The following PRKN variants were observed in gnomAD, a reference collection of about 807,000 sequenced individuals.
The protein encoded by PRKN is parkin RBR E3 ubiquitin protein ligase.
In PRKN, 56 loss-of-function variants were observed where a neutral mutation model predicts 59.5. The observed-to-expected ratio is 0.94, with a 90% CI of 0.76 to 1.18. The LOEUF is 1.18. Ranked by LOEUF, PRKN falls within the 50% of genes most tolerant of loss-of-function variation. PRKN has a pLI of 0.00. For synonymous variants in PRKN, 250 were observed against 222.1 expected, an observed-to-expected ratio of 1.13 and a Z score of -1.12; for missense variants, 657 against 596.4, an observed-to-expected ratio of 1.10 and a Z score of -1.06.
At chr6:162,040,274 A>T (rs1048899816) in intron 5 of PRKN, among the ~76,000 whole-genome samples, 1 of 152,162 alleles carries the variant, frequency 6.6e-6, no homozygotes, top group African/African-American at 2.4e-5. Context: ...GGTCAACAAA[A>T]GAGGAAGTTA....
At chr6:162,128,118 C>A (rs1028610424) in intron 4 of PRKN, among the ~76,000 whole-genome samples, 1 of 152,220 alleles carries the variant, frequency 6.6e-6, no homozygotes, top group Non-Finnish European at 1.5e-5. Flanking sequence ...AGCTTTACTG[C>A]AGTAACTACT....
At chr6:162,498,880 C>A (rs954773252) in intron 1 of PRKN, among the ~76,000 whole-genome samples, 3 of 152,008 alleles carry the variant, frequency 2.0e-5, no homozygotes, top group Non-Finnish European at 2.9e-5. Context: ...CATGTATAGG[C>A]AAGATGCTAC....
intron 2 of PRKN, among the ~76,000 whole-genome samples, chr6:162,396,506 G>A (rs920731208): frequency 1.1e-4 from 16 of 152,084 alleles, no homozygotes; most frequent in African/African-American, 3.9e-4. Flanking sequence ...GTGGCAACTT[G>A]TCATGGTGGA....
At chr6:161,504,540 ATACTTT>A (rs1778081681) in intron 9 of PRKN, among the ~76,000 whole-genome samples, 10 of 125,658 alleles carry the variant, frequency 8.0e-5, no homozygotes, top group Non-Finnish European at 1.4e-4. Context: ...TTTTATTATT[ATACTTT>A]AAGTTTTAGG....
At chr6:162,201,335 C>T (rs1297651671) in intron 3 of PRKN, 83 bp from the exon 4 acceptor site, 2 of 1,362,830 alleles carry the variant, frequency 1.5e-6, no homozygotes, top group African/African-American at 2.9e-5. Flanking sequence ...TTGTTAGAGG[C>T]AAATTTTAAA....
intron 4 of PRKN, among the ~76,000 whole-genome samples, chr6:162,180,745 A>G (rs1783767407): frequency 1.3e-5 from 2 of 152,216 alleles, no homozygotes; most frequent in Admixed American, 1.3e-4. Flanking sequence ...ATATATACAT[A>G]GCCTAATTAG....
At chr6:162,687,031 A>T (rs1341693956) in intron 1 of PRKN, among the ~76,000 whole-genome samples, 1 of 151,786 alleles carries the variant, frequency 6.6e-6, no homozygotes, top group African/African-American at 2.4e-5. Flanking sequence ...TTTTGGTTCC[A>T]TATGAATTTT....
At chr6:161,915,958 T>C (rs760853300) in intron 6 of PRKN, among the ~76,000 whole-genome samples, 69 of 152,264 alleles carry the variant, frequency 4.5e-4, no homozygotes, top group South Asian at 1.0e-3. Flanking sequence ...AGGCTACAGT[T>C]ATGACTAAAC....
chr6:162,355,184 TG>T, intron 2 of PRKN, among the ~76,000 whole-genome samples: 1 of 151,628 alleles, frequency 6.6e-6, no homozygotes, highest in East Asian at 1.9e-4. Flanking sequence ...ATAGAGAAAT[TG>T]GACTTTATTT....
intron 3 of PRKN, among the ~76,000 whole-genome samples, chr6:162,243,539 C>T (rs576779620): frequency 6.6e-6 from 1 of 152,178 alleles, no homozygotes; most frequent in Admixed American, 6.5e-5. Flanking sequence ...ATCAGTATAA[C>T]AGGTACATTT....
intron 6 of PRKN, among the ~76,000 whole-genome samples, chr6:161,801,419 A>G (rs979608747): frequency 2.0e-5 from 3 of 152,208 alleles, no homozygotes; most frequent in African/African-American, 7.2e-5. Flanking sequence ...GGACCCATCC[A>G]TGGAGAGATG....
intron 1 of PRKN, among the ~76,000 whole-genome samples, chr6:162,664,507 C>T (rs1381694506): frequency 4.6e-5 from 7 of 152,152 alleles, no homozygotes; most frequent in African/African-American, 1.7e-4. Flanking sequence ...TACATTCCTA[C>T]CACCAGTGTA....
At chr6:162,281,444 CG>C (rs1249248556) in intron 2 of PRKN, among the ~76,000 whole-genome samples, 1 of 151,750 alleles carries the variant, frequency 6.6e-6, no homozygotes, top group Non-Finnish European at 1.5e-5. Flanking sequence ...ATAAGAAATG[CG>C]GTATTACTAC....
At position 161,593,456 on chromosome 6, in the gene PRKN, G is replaced by T. The variant is rs1422074667; in HGVS notation, c.872-24040C>A. On this transcript the variant is annotated intron_variant, in intron 7 of 11. Transcript: ENST00000366898. The surrounding 1 kb of genome is among the most constrained non-coding windows in gnomAD (Gnocchi z 4.8). ...CCCTGAACTCTGGAATAGTCTGGGG[G>T]AGCAAAACAAGATCCAGGGAGCCCA... 6.6e-6 allele frequency among the ~76,000 whole-genome samples: 1 copy of T among 152,170 alleles called. No homozygotes were observed. Among genetic ancestry groups the T allele is most frequent in the Non-Finnish European group, 1.5e-5 (1 of 68,024 alleles).
intron 6 of PRKN, among the ~76,000 whole-genome samples, chr6:161,924,773 C>A (rs1395455470): frequency 6.6e-6 from 1 of 152,212 alleles, no homozygotes; most frequent in African/African-American, 2.4e-5. Flanking sequence ...TTGTTCTGAG[C>A]AGTTTCTCAC....
At chr6:162,185,610 G>T (rs1005364975) in intron 4 of PRKN, among the ~76,000 whole-genome samples, 1 of 152,076 alleles carries the variant, frequency 6.6e-6, no homozygotes, top group South Asian at 2.1e-4. Flanking sequence ...TAGTCTAAAT[G>T]ACAGCAGCTC....
At chr6:162,088,046 T>C (rs916394427) in intron 4 of PRKN, among the ~76,000 whole-genome samples, 1 of 152,146 alleles carries the variant, frequency 6.6e-6, no homozygotes, top group South Asian at 2.1e-4. Context: ...ATGCAAGGGA[T>C]GCAATCCAGT....
At chr6:161,816,963 G>A (rs1302453106) in intron 6 of PRKN, among the ~76,000 whole-genome samples, 1 of 152,054 alleles carries the variant, frequency 6.6e-6, no homozygotes, top group Non-Finnish European at 1.5e-5. Flanking sequence ...CTGAAAAAAT[G>A]AGGTCCTGGC....
intron 2 of PRKN, among the ~76,000 whole-genome samples, chr6:162,388,489 G>A (rs1786969643): frequency 6.6e-6 from 1 of 152,160 alleles, no homozygotes; most frequent in South Asian, 2.1e-4. Context: ...CACACAGCAA[G>A]GTTGAGGGGC....
Sources: gnomAD v4.1 joint callset for allele counts (sites outside exome capture counted in the v4.1 genomes callset) on GRCh38, gnomAD v4.1.1 for gene constraint, Gnocchi (gnomAD v3.1) non-coding constraint, MANE v1.5 for transcripts, NCBI Gene and HGNC (gene_info 2026-07-23, HGNC 2026-07-21) for gene names.